The following RASGRP2 variants were observed in gnomAD, a reference collection of about 807,000 sequenced individuals.
The protein encoded by RASGRP2 is RAS guanyl-releasing protein 2.
A neutral mutation model predicts 71.0 loss-of-function variants in RASGRP2; 44 were observed. The ratio of observed to expected loss-of-function variants is 0.62; its 90% CI spans 0.49 to 0.80. The LOEUF (loss-of-function observed/expected upper bound fraction) is 0.80. Among genes scored for constraint, RASGRP2 ranks in the 30% least tolerant of loss-of-function variants. The probability of loss-of-function intolerance (pLI) is 0.00; values close to 1 mark genes in which losing one functional copy is unlikely to be tolerated. For missense variants in RASGRP2, 663 were observed against 813.4 expected, an observed-to-expected ratio of 0.82 and a Z score of 2.25; for synonymous variants, 350 against 330.7, an observed-to-expected ratio of 1.06 and a Z score of -0.63.
intron 12 of RASGRP2, among the ~76,000 whole-genome samples, chr11:64,731,040 G>T (rs1592355146): frequency 6.6e-6 from 1 of 152,168 alleles, no homozygotes; most frequent in East Asian, 1.9e-4. Context: ...AATCAAGGGA[G>T]CATTAGGATA....
At position 64,740,220 on chromosome 11, in the gene RASGRP2, C is replaced by G. The variant is rs767283388; in HGVS notation, c.372-57G>C. Reference sequence around the variant, plus strand: ...GGACATGCGCATGACTCGTGGCCCCCCACTCACACAGACACACCATTCACG... The same window carrying G: ...GGACATGCGCATGACTCGTGGCCCCGCACTCACACAGACACACCATTCACG... On this transcript the variant is annotated intron_variant, in intron 5 of 16. Coordinates refer to ENST00000394432, the MANE Select transcript of RASGRP2 (RefSeq NM_001098671.2). 3.1e-6 allele frequency: 5 copies of G among 1,605,384 alleles called. No homozygotes were observed. The South Asian group carries it at 5.5e-5, about 18-fold the overall frequency.
At chr11:64,729,933 T>C (rs933436626) in intron 13 of RASGRP2, 120 bp downstream of exon 13, 5 of 1,543,766 alleles carry the variant, frequency 3.2e-6, no homozygotes, top group South Asian at 1.2e-5. Flanking sequence ...GAGAGGCAAA[T>C]AGAATTACCA....
rs912889031 is a variant in RASGRP2, at chr11:64,729,672, C to T, written c.1591+90G>A. 5 of 1,479,048 alleles carry T rather than the reference C, an allele frequency of 3.4e-6. No homozygotes were observed. The South Asian group carries it at 4.5e-5, about 13-fold the overall frequency. 91.6% of individuals were successfully genotyped at this position (1,479,048 alleles called of 1,614,324 possible). On this transcript the variant is annotated intron_variant, in intron 14 of 16. Transcript: ENST00000394432. The stretch of plus-strand genomic sequence containing the variant: ...GATTTTAAGGTACTTCACTCCTTGG[C>T]AATTGCCCCACCAAAACAGTAACTC...
intron 3 of RASGRP2, 105 bp from the exon 4 acceptor site, chr11:64,741,606 G>A (rs1024199088): frequency 4.8e-6 from 5 of 1,042,026 alleles, no homozygotes; most frequent in Non-Finnish European, 7.3e-6. Flanking sequence ...CTAGGGATGG[G>A]GCTTGCGCTC....
At chr11:64,741,335 A>C in intron 4 of RASGRP2, 104 bp downstream of exon 4, 2 of 1,326,152 alleles carry the variant, frequency 1.5e-6, no homozygotes. Flanking sequence ...GCCAGGGTTC[A>C]AACCCACTCC....
chr11:64,744,010 G>A lies in RASGRP2; in HGVS notation c.-79C>T, dbSNP rs1267216485. On this transcript the variant is annotated 5_prime_UTR_variant, in exon 1 of 17. In the 5' UTR this introduces an upstream ATG that the reference lacks. Coordinates refer to ENST00000394432, the MANE Select transcript of RASGRP2 (RefSeq NM_001098671.2). ...ACCCTCAGGCACACATACCCAGCTC[G>A]TCCACCCCAGAATGCAAACCCGCGG... The A allele has an allele frequency of 6.1e-6, 6 of 987,196 alleles. No homozygotes were observed. The African/African-American group carries it at 8.7e-5, about 14-fold the overall frequency. 61.2% of individuals were successfully genotyped at this position (987,196 alleles called of 1,614,324 possible).
chr11:64,744,250 C>A, upstream of RASGRP2: 1 of 985,772 alleles, frequency 1.0e-6, no homozygotes, highest in Non-Finnish European at 1.2e-6. Flanking sequence ...GCCCTGCGGC[C>A]CCAGCTCCCT....
Position 64,728,948 on chromosome 11 carries a change from G to C in RASGRP2, c.1686C>G (p.Pro562=). Residue 562 remains proline (P), a synonymous_variant, in exon 15 of 17, where the codon CCC becomes CCG. Transcript: ENST00000394432. ...AQSVSLEGSA[P]SPSPMHSHHH... is the part of the protein sequence containing the mutation. ...GGTGGCTGTGCATGGGTGAGGGTGA[G>C]GGTGCAGACCCCTCCAGGCTCACAC... 6.2e-7 allele frequency: 1 copy of C among 1,612,702 alleles called. No individual in the cohort carries two copies. The highest frequency in any genetic ancestry group is 8.5e-7 in the Non-Finnish European group (1 of 1,179,804).
chr11:64,728,744 T>C (rs1219741248), intron 15 of RASGRP2, 119 bp downstream of exon 15: 10 of 1,171,686 alleles, frequency 8.5e-6, no homozygotes, highest in Non-Finnish European at 1.1e-5. Flanking sequence ...GTCCCTTCTT[T>C]ATTATCCCAC....
In RASGRP2 at chr11:64,742,944, C is replaced by A. The variant is rs759083883; in HGVS notation, c.-71-7G>T. 6.5e-7 allele frequency: 1 copy of A among 1,530,160 alleles called. No individual in the cohort carries two copies. Among genetic ancestry groups the A allele is most frequent in the East Asian group, 2.5e-5 (1 of 40,786 alleles). 94.8% of individuals were successfully genotyped at this position (1,530,160 alleles called of 1,614,324 possible). On this transcript the variant is annotated splice_polypyrimidine_tract_variant and splice_region_variant and intron_variant, in intron 1 of 16. Transcript: ENST00000394432. The surrounding 1 kb of genome is among the most constrained non-coding windows in gnomAD (Gnocchi z 4.7). ...CCGGGCTCGGACCGAACCCCTGTCC[C>A]GGGAGAGGCAGAGCGGGAGTCTGCG... is the stretch of plus-strand genomic sequence containing the variant.
At position 64,741,492 on chromosome 11, in the gene RASGRP2, T is replaced by C; in HGVS notation, c.186A>G (p.Gln62=). The stretch of plus-strand genomic sequence containing the variant: ...GGGAATTGGAGTTGTCCTTCCGGGA[T>C]TGTTGGTAGGTGAAGGAGAGGGTTA... The part of the protein sequence containing the change: ...LAAKLLHIYQ[Q]SRKDNSNSLQ... The change falls in exon 4 of 17, where the codon CAA becomes CAG. Residue 62 remains glutamine, a synonymous_variant. Coordinates refer to ENST00000394432, the MANE Select transcript of RASGRP2 (RefSeq NM_001098671.2). 6.3e-7 allele frequency: 1 copy of C among 1,579,660 alleles called. No homozygotes were observed. The highest frequency in any genetic ancestry group is 1.3e-5 in the African/African-American group (1 of 74,426).
In RASGRP2 at chr11:64,743,073, T is replaced by A; in HGVS notation, c.-71-136A>T. ...TGTCCCCCGCGGCCACTCCCGGGGT[T>A]AAACGGTCTGGCCCGGGATGGTGCA... On this transcript the variant is annotated intron_variant, in intron 1 of 16. Coordinates refer to ENST00000394432, the MANE Select transcript of RASGRP2 (RefSeq NM_001098671.2). The surrounding 1 kb of genome is among the most constrained non-coding windows in gnomAD (Gnocchi z 4.9). 1 of 1,000,772 alleles carries A rather than the reference T, an allele frequency of 1.0e-6. No homozygotes were observed. The highest frequency in any genetic ancestry group is 1.5e-6 in the Non-Finnish European group (1 of 661,480). 62.0% of individuals were successfully genotyped at this position (1,000,772 alleles called of 1,614,324 possible).
chr11:64,732,470 G>A lies in RASGRP2; in HGVS notation c.1413-2276C>T, dbSNP rs141340383. Among the ~76,000 whole-genome samples the A allele has an allele frequency of 7.2e-3, 1,100 of 151,936 alleles. 17 individuals carry two copies. The highest frequency in any genetic ancestry group is 0.025 in the African/African-American group (1,046 of 41,432). ...GGTCAGAAGTTCAATACCAGCCTGCGCAACATGGTGAAACCCCATCTCTAC... is the reference window on the plus strand; with the variant it reads ...GGTCAGAAGTTCAATACCAGCCTGCACAACATGGTGAAACCCCATCTCTAC... On this transcript the variant is annotated intron_variant, in intron 12 of 16. Coordinates refer to ENST00000394432, the MANE Select transcript of RASGRP2 (RefSeq NM_001098671.2).
At chr11:64,734,022 T>A (rs951641759) in intron 12 of RASGRP2, among the ~76,000 whole-genome samples, 24 of 151,610 alleles carry the variant, frequency 1.6e-4, no homozygotes, top group Non-Finnish European at 2.8e-4. Context: ...CCAAAAAAAA[T>A]TTTTTTAGGC....
chr11:64,737,692 A>G lies in RASGRP2; in HGVS notation c.814-658T>C, dbSNP rs1389460454. ...AGACTCCATCTCAAAAAAAAAAAAAAAAAGAAAGAAAAAGAAAGAAAGAAA... is the reference window on the plus strand; with the variant it reads ...AGACTCCATCTCAAAAAAAAAAAAAGAAAGAAAGAAAAAGAAAGAAAGAAA... On this transcript the variant is annotated intron_variant, in intron 8 of 16. Coordinates refer to ENST00000394432, the MANE Select transcript of RASGRP2 (RefSeq NM_001098671.2). Among the ~76,000 whole-genome samples the G allele has an allele frequency of 4.1e-4, 62 of 151,046 alleles. 2 individuals carry two copies. Among genetic ancestry groups the G allele is most frequent in the South Asian group, 3.8e-3 (18 of 4,766 alleles).
intron 15 of RASGRP2, among the ~76,000 whole-genome samples, chr11:64,727,910 T>C (rs1486155451): frequency 6.6e-6 from 1 of 152,182 alleles, no homozygotes; most frequent in African/African-American, 2.4e-5. Context: ...TAAATGTCAA[T>C]TTTGTGTGTA....
intron 8 of RASGRP2, among the ~76,000 whole-genome samples, chr11:64,737,712 AAG>A (rs2057992038): frequency 6.6e-6 from 1 of 150,886 alleles, no homozygotes; most frequent in Non-Finnish European, 1.5e-5. Flanking sequence ...AAAAGAAAGA[AAG>A]AAAAGAAAAG....
intron 15 of RASGRP2, among the ~76,000 whole-genome samples, chr11:64,728,338 C>G (rs1030073716): frequency 2.0e-5 from 3 of 152,234 alleles, no homozygotes; most frequent in Non-Finnish European, 4.4e-5. Flanking sequence ...TTTTATACCT[C>G]TTTATAAATT....
intron 4 of RASGRP2, among the ~76,000 whole-genome samples, 170 bp from the exon 5 acceptor site, chr11:64,741,249 G>A (rs139438762): frequency 1.9e-4 from 29 of 152,298 alleles, no homozygotes; most frequent in Non-Finnish European, 3.5e-4. Flanking sequence ...ACAACCACCC[G>A]CACTGCGCAG....
Sources: allele counts gnomAD v4.1 joint callset (sites outside exome capture counted in the v4.1 genomes callset), GRCh38; gene constraint gnomAD v4.1.1; non-coding constraint Gnocchi (gnomAD v3.1); transcripts MANE v1.5; gene names NCBI Gene and HGNC (gene_info 2026-07-23, HGNC 2026-07-21).